The following IQCK variants were observed in gnomAD, a reference collection of about 807,000 sequenced individuals.
IQCK encodes IQ motif containing K, also known as IQ domain-containing protein K.
A neutral mutation model predicts 28.1 loss-of-function variants in IQCK; 29 were observed. The ratio of observed to expected loss-of-function variants is 1.03; its 90% confidence interval spans 0.77 to 1.41. The LOEUF (loss-of-function observed/expected upper bound fraction) is 1.41, where lower values mean the gene tolerates loss of function less well. Among genes scored for constraint, IQCK ranks in the 40% most tolerant of loss-of-function variants. The pLI is 0.00. For missense variants in IQCK, 359 were observed against 314.7 expected, an observed-to-expected ratio of 1.14 and a Z score of -1.07; for synonymous variants, 113 against 115.1, an observed-to-expected ratio of 0.98 and a Z score of 0.12.
Position 19,799,640 on chromosome 16 carries a change from ACC to A in IQCK, c.690+10720_690+10721del, listed in dbSNP as rs1555519987. ...CACACACACACACACACACACACAC[ACC>A]CAGTGAATACATTGAGTCATAACTT... On this transcript the variant is annotated intron_variant, in intron 7 of 7. Coordinates refer to ENST00000564186, the Ensembl canonical transcript of IQCK. 3.4e-3 allele frequency among the ~76,000 whole-genome samples: 381 copies of A among 111,796 alleles called. 5 individuals carry two copies. The highest frequency in any genetic ancestry group is 5.1e-3 in the Non-Finnish European group (290 of 57,344). The allele number at this position is 111,796 out of a possible 152,430, so 73.3% of individuals were successfully genotyped here.
At chr16:19,743,954 C>T (rs1401757345) in intron 4 of IQCK, among the ~76,000 whole-genome samples, 1 of 152,166 alleles carries the variant, frequency 6.6e-6, no homozygotes, top group Non-Finnish European at 1.5e-5. Context: ...TGGCCAATTA[C>T]ACACACATCT....
At chr16:19,724,510 A>G (rs1977594015) in intron 1 of IQCK, among the ~76,000 whole-genome samples, 1 of 151,498 alleles carries the variant, frequency 6.6e-6, no homozygotes, top group African/African-American at 2.4e-5. Flanking sequence ...TCAATGCTAC[A>G]TTTTTGTTGT....
At chr16:19,733,700 T>C in exon 3 of IQCK, 2 of 1,613,990 alleles carry the variant, frequency 1.2e-6, no homozygotes, top group South Asian at 2.2e-5. Flanking sequence ...GCCTCCAGGT[T>C]GCGCCAGTAG....
intron 9 of IQCK, among the ~76,000 whole-genome samples, chr16:19,842,644 C>T (rs1353259945): frequency 1.3e-5 from 2 of 152,154 alleles, no homozygotes; most frequent in African/African-American, 4.8e-5. Context: ...TTTGCTTCTT[C>T]CCTGACTTTC....
At chr16:19,786,084 C>A (rs949033855) in intron 6 of IQCK, among the ~76,000 whole-genome samples, 4 of 152,132 alleles carry the variant, frequency 2.6e-5, no homozygotes, top group South Asian at 2.1e-4. Context: ...GAGCATCATT[C>A]CCATGAATTC....
intron 9 of IQCK, among the ~76,000 whole-genome samples, chr16:19,853,209 T>C (rs1277210258): frequency 6.6e-6 from 1 of 152,128 alleles, no homozygotes; most frequent in Non-Finnish European, 1.5e-5. Context: ...CCTCCAGAGA[T>C]GGTGACCTAA....
At chr16:19,856,442 T>A in intron 9 of IQCK, 45 bp from the exon 9 acceptor site, 1 of 1,535,698 alleles carries the variant, frequency 6.5e-7, no homozygotes, top group Non-Finnish European at 9.0e-7. Context: ...CAAGCCTGTC[T>A]ACGTATGTAA....
In IQCK at chr16:19,758,239, T is replaced by C. The variant is rs185888146; in HGVS notation, c.475-5609T>C. Among the ~76,000 whole-genome samples, 9 of 152,340 alleles carry C rather than the reference T, an allele frequency of 5.9e-5. No homozygotes were observed. In the East Asian group the frequency reaches 1.5e-3, roughly 26 times the overall value. ...TTTTCATTTGCTTTTCCTTCTCTCTTTCAGCTCCTCAGCAGATAATTTTTA... is the reference window on the plus strand; with the variant it reads ...TTTTCATTTGCTTTTCCTTCTCTCTCTCAGCTCCTCAGCAGATAATTTTTA... On this transcript the variant is annotated intron_variant, in intron 4 of 7. Transcript: ENST00000564186.
At chr16:19,735,064 C>T (rs527808361) in intron 3 of IQCK, among the ~76,000 whole-genome samples, 23 of 152,232 alleles carry the variant, frequency 1.5e-4, no homozygotes, top group African/African-American at 4.6e-4. Flanking sequence ...TTTGTCCCTC[C>T]GGCCACACTG....
At chr16:19,807,066 G>C (rs2055843441) in intron 7 of IQCK, among the ~76,000 whole-genome samples, 1 of 152,242 alleles carries the variant, frequency 6.6e-6, no homozygotes, top group South Asian at 2.1e-4. Flanking sequence ...AGACACAGCA[G>C]TCTTGTGCTC....
intron 9 of IQCK, among the ~76,000 whole-genome samples, chr16:19,852,073 G>T (rs1216979742): frequency 1.3e-5 from 2 of 152,134 alleles, no homozygotes; most frequent in East Asian, 3.9e-4. Context: ...ATGGTAATAA[G>T]ATTTTCAATA....
At chr16:19,746,299 G>T (rs1173261764) in intron 4 of IQCK, among the ~76,000 whole-genome samples, 1 of 151,812 alleles carries the variant, frequency 6.6e-6, no homozygotes, top group African/African-American at 2.4e-5. Flanking sequence ...TGGAGAATGG[G>T]GTTTCCATCC....
chr16:19,799,597 T>C (rs79137398), intron 7 of IQCK, among the ~76,000 whole-genome samples: 2,177 of 111,646 alleles, frequency 0.019, 98 homozygotes, highest in East Asian at 0.049. Context: ...TATATATATA[T>C]ACACACACAC....
chr16:19,792,717 G>A (rs754176561), intron 7 of IQCK, among the ~76,000 whole-genome samples: 3 of 110,374 alleles, frequency 2.7e-5, no homozygotes, highest in Admixed American at 7.8e-5. Flanking sequence ...GATTACAGGC[G>A]CCTGCCACCA....
At chr16:19,771,848 CATCTGCTGAGAGGGA>C (rs1896245877) in intron 6 of IQCK, among the ~76,000 whole-genome samples, 1 of 152,106 alleles carries the variant, frequency 6.6e-6, no homozygotes, top group Non-Finnish European at 1.5e-5. Flanking sequence ...GGTGTGAAGG[CATCTGCTGAGAGGGA>C]GGCAGAGGTT....
At chr16:19,826,249 C>T (rs1183625819) in intron 7 of IQCK, among the ~76,000 whole-genome samples, 1 of 152,154 alleles carries the variant, frequency 6.6e-6, no homozygotes, top group East Asian at 1.9e-4. Context: ...CTTGAGCAAT[C>T]CTCCTGCCTT....
chr16:19,754,717 G>A (rs1313269118), intron 4 of IQCK, among the ~76,000 whole-genome samples: 1 of 151,384 alleles, frequency 6.6e-6, no homozygotes, highest in Non-Finnish European at 1.5e-5. Flanking sequence ...TTAAAAACCT[G>A]AATATCCTTT....
intron 9 of IQCK, among the ~76,000 whole-genome samples, chr16:19,851,331 G>C (rs1439598542): frequency 6.6e-6 from 1 of 152,192 alleles, no homozygotes; most frequent in Non-Finnish European, 1.5e-5. Flanking sequence ...TGTTTCTAAA[G>C]GTCTGGGGTG....
chr16:19,783,121 C>A (rs1021449433), intron 6 of IQCK, among the ~76,000 whole-genome samples: 9 of 151,918 alleles, frequency 5.9e-5, no homozygotes, highest in African/African-American at 1.5e-4. Context: ...GCCTCAGCCT[C>A]CTGAGTAGCT....
Sources: gnomAD v4.1 joint callset for allele counts (sites outside exome capture counted in the v4.1 genomes callset) on GRCh38, gnomAD v4.1.1 for gene constraint, MANE v1.5 for transcripts, NCBI Gene and HGNC (gene_info 2026-07-23, HGNC 2026-07-21) for gene names.